The following TET2 variants were observed in gnomAD, a reference collection of about 807,000 sequenced individuals.
The protein encoded by TET2 is tet methylcytosine dioxygenase 2, also known as methylcytosine dioxygenase TET2.
In TET2, 299 loss-of-function variants were observed where a neutral mutation model predicts 142.9. That is an observed-to-expected ratio of 2.09 (90% CI 1.90 to 2.30). The LOEUF (loss-of-function observed/expected upper bound fraction) is 2.30. Ranked by LOEUF, TET2 falls within the 30% of genes most tolerant of loss-of-function variation. The pLI is 0.00. For missense variants in TET2, 2,418 were observed against 2,378.0 expected, an observed-to-expected ratio of 1.02 and a Z score of -0.35; for synonymous variants, 819 against 849.0, an observed-to-expected ratio of 0.96 and a Z score of 0.61.
chr4:105,158,837 A>G (rs971873922), intron 1 of TET2, among the ~76,000 whole-genome samples: 2 of 152,162 alleles, frequency 1.3e-5, no homozygotes, highest in African/African-American at 4.8e-5. Flanking sequence ...GAAAAGACAA[A>G]TAAATCACCC....
chr4:105,189,722 CTTA>C (rs1274369724), intron 1 of TET2, among the ~76,000 whole-genome samples: 2 of 152,178 alleles, frequency 1.3e-5, no homozygotes, highest in African/African-American at 4.8e-5. Context: ...AAGTAGGTAT[CTTA>C]TTAGGTGGTC....
chr4:105,147,461 G>C (rs541293943), intron 1 of TET2: 4 of 152,358 alleles, frequency 2.6e-5, no homozygotes, highest in Non-Finnish European at 5.9e-5. Context: ...CCTTTTATCA[G>C]CTGTAGGGTC....
intron 6 of TET2, among the ~76,000 whole-genome samples, chr4:105,246,011 A>G (rs1560555147): frequency 6.6e-6 from 1 of 151,946 alleles, no homozygotes; most frequent in Non-Finnish European, 1.5e-5. Context: ...GCTCACCACA[A>G]CCTCCACCTC....
chr4:105,191,370 A>G (rs1725778115), intron 2 of TET2, among the ~76,000 whole-genome samples: 1 of 152,192 alleles, frequency 6.6e-6, no homozygotes, highest in Non-Finnish European at 1.5e-5. Flanking sequence ...GAACTAATAT[A>G]TTTTTGTCTA....
intron 5 of TET2, 133 bp from the exon 6 acceptor site, chr4:105,243,437 A>G (rs1729410500): frequency 1.7e-5 from 14 of 810,988 alleles, no homozygotes; most frequent in Non-Finnish European, 2.8e-5. Context: ...GGACATGCTG[A>G]TAAATGTTGC....
chr4:105,261,777 C>T lies in TET2; in HGVS notation c.3973C>T (p.His1325Tyr), dbSNP rs764617501. 2.6e-6 allele frequency: 4 copies of T among 1,547,924 alleles called. No individual in the cohort carries two copies. The South Asian group carries it at 3.6e-5, about 14-fold the overall frequency. Residue 1325 changes from histidine to tyrosine, a missense_variant, in exon 8 of 11, where the codon CAT (histidine) becomes TAT (tyrosine). By Grantham distance (83) the His-to-Tyr change is moderately conservative. Coordinates refer to ENST00000380013, the MANE Select transcript of TET2 (RefSeq NM_001127208.3). The part of the protein sequence containing the change: ...DPKEEEKLES[H>Y]LQNLSTLMAP... ...TATACAGGAAGAGAAACTGGAGTCT[C>T]ATTTGCAAAACCTGTCCACTCTTAT... is the stretch of plus-strand genomic sequence containing the variant.
chr4:105,251,580 T>C (rs955059364), intron 6 of TET2, among the ~76,000 whole-genome samples: 2 of 152,086 alleles, frequency 1.3e-5, no homozygotes, highest in Non-Finnish European at 2.9e-5. Context: ...CTGGAATAAA[T>C]CCCACTTGGC....
intron 6 of TET2, among the ~76,000 whole-genome samples, chr4:105,252,968 CTTTA>C (rs1332113408): frequency 1.3e-5 from 2 of 152,226 alleles, no homozygotes; most frequent in East Asian, 1.9e-4. Context: ...TTTCTGGACT[CTTTA>C]TTCTGTTCCA....
chr4:105,161,578 A>C (rs1337788342), intron 1 of TET2, among the ~76,000 whole-genome samples: 1 of 152,204 alleles, frequency 6.6e-6, no homozygotes, highest in Admixed American at 6.5e-5. Flanking sequence ...ATCTTATATT[A>C]GAATATTAAT....
Position 105,275,404 on chromosome 4 carries a change from CA to C in TET2, c.4896del (p.Gln1632HisfsTer63). 6.4e-7 allele frequency: 1 copy of C among 1,551,618 alleles called. No homozygotes were observed. Among genetic ancestry groups the C allele is most frequent in the Non-Finnish European group, 8.7e-7 (1 of 1,146,976 alleles). ...LNQNTQYPSY[Q>X]CNGNLSVDNC... ...TCAGAATACCCAATATCCATCATATCAATGCAATGGAAACCTATCAGTGGAC... is the reference window on the plus strand; with the variant it reads ...TCAGAATACCCAATATCCATCATATCATGCAATGGAAACCTATCAGTGGAC... On this transcript the variant is annotated frameshift_variant, in exon 11 of 11. Coordinates refer to ENST00000380013, the MANE Select transcript of TET2 (RefSeq NM_001127208.3). LOFTEE classifies it low-confidence loss of function (END_TRUNC).
rs1728706393 is a variant in TET2, at chr4:105,234,447, CAT to C, written c.507_508del (p.His169GlnfsTer6). 2 of 1,613,826 alleles carry C rather than the reference CAT, an allele frequency of 1.2e-6. No homozygotes were observed. Among genetic ancestry groups the C allele is most frequent in the Non-Finnish European group, 1.7e-6 (2 of 1,179,990 alleles). On this transcript the variant is annotated frameshift_variant, in exon 3 of 11. Coordinates refer to ENST00000380013, the MANE Select transcript of TET2 (RefSeq NM_001127208.3). LOFTEE classifies it high-confidence loss of function. ...AVKDFTSFST[H>X]NCSGPENPEL... is the part of the protein sequence containing the mutation. The stretch of plus-strand genomic sequence containing the variant: ...TAAAGATTTCACCAGTTTTTCAACA[CAT>C]AACTGCAGTGGGCCTGAAAATCCAG...
chr4:105,230,954 T>G (rs12645144), intron 2 of TET2, among the ~76,000 whole-genome samples: 42,302 of 151,918 alleles, frequency 0.28, 6,614 homozygotes, highest in Non-Finnish European at 0.36. Flanking sequence ...TGATCCCACT[T>G]TATCATTTTT....
At chr4:105,206,449 A>C (rs1726831637) in intron 2 of TET2, among the ~76,000 whole-genome samples, 1 of 152,218 alleles carries the variant, frequency 6.6e-6, no homozygotes, top group Non-Finnish European at 1.5e-5. Context: ...TGTCTCCCTC[A>C]AATGGTACAA....
At chr4:105,205,561 TGAA>T (rs1387873985) in intron 2 of TET2, among the ~76,000 whole-genome samples, 1 of 152,206 alleles carries the variant, frequency 6.6e-6, no homozygotes, top group Non-Finnish European at 1.5e-5. Context: ...CACACATTCT[TGAA>T]GGAGAGCTGA....
rs746373398 is a variant in TET2 at position 105,234,387 on chromosome 4, G to A, written c.445G>A (p.Glu149Lys). 6.2e-7 allele frequency: 1 copy of A among 1,614,062 alleles called. No individual in the cohort carries two copies. Among genetic ancestry groups the A allele is most frequent in the Non-Finnish European group, 8.5e-7 (1 of 1,180,000 alleles). Residue 149 changes from glutamate (E) to lysine (K), a missense_variant, in exon 3 of 11, where the codon GAA becomes AAA. Glu to Lys is a moderately conservative substitution (Grantham distance 56). Coordinates refer to ENST00000380013, the MANE Select transcript of TET2 (RefSeq NM_001127208.3). ...TGTCTCCGATTTGAGTGATAAGAAA[G>A]AATCTGTGAGTTCTGTAGCCCAAGA... ...PNVSDLSDKK[E>K]SVSSVAQENA...
chr4:105,183,354 A>T (rs1157096071), intron 1 of TET2, among the ~76,000 whole-genome samples: 2 of 152,172 alleles, frequency 1.3e-5, no homozygotes, highest in Non-Finnish European at 2.9e-5. Context: ...CCTTTTATAA[A>T]CTTAATATCA....
intron 2 of TET2, among the ~76,000 whole-genome samples, chr4:105,218,424 T>C (rs1245577805): frequency 1.3e-5 from 2 of 152,126 alleles, no homozygotes; most frequent in Non-Finnish European, 2.9e-5. Flanking sequence ...GGCTATGCCA[T>C]GCCGTTTCGT....
intron 2 of TET2, among the ~76,000 whole-genome samples, chr4:105,200,390 G>T (rs1726382404): frequency 7.1e-6 from 1 of 141,160 alleles, no homozygotes; most frequent in Non-Finnish European, 1.5e-5. Context: ...CAATGGGGAT[G>T]TTTGTTTGTT....
At chr4:105,248,185 A>G (rs1729680749) in intron 6 of TET2, among the ~76,000 whole-genome samples, 1 of 152,224 alleles carries the variant, frequency 6.6e-6, no homozygotes, top group Non-Finnish European at 1.5e-5. Flanking sequence ...TTTAGTTGTC[A>G]GCCTGATCCA....
Sources: allele counts gnomAD v4.1 joint callset (sites outside exome capture counted in the v4.1 genomes callset), GRCh38; gene constraint gnomAD v4.1.1; transcripts MANE v1.5; gene names NCBI Gene and HGNC (gene_info 2026-07-23, HGNC 2026-07-21).